The following PTPRN2 variants were observed in gnomAD, a reference collection of about 807,000 sequenced individuals.
PTPRN2 encodes protein tyrosine phosphatase receptor type N2.
Under a neutral mutation model 118.8 loss-of-function variants are expected in PTPRN2, and 74 were observed. That is an observed-to-expected ratio of 0.62 (90% CI 0.52 to 0.76). PTPRN2 has a LOEUF of 0.76. PTPRN2 is among the 30% of genes least tolerant of loss of function. The probability of loss-of-function intolerance (pLI) is 0.00; values close to 1 mark genes in which losing one functional copy is unlikely to be tolerated. For missense variants in PTPRN2, 1,481 were observed against 1,394.4 expected (o/e 1.06, Z -0.99); for synonymous variants, 641 against 608.0 (o/e 1.05, Z -0.80).
At chr7:157,730,886 G>C (rs1438570459) in intron 12 of PTPRN2, among the ~76,000 whole-genome samples, 1 of 152,144 alleles carries the variant, frequency 6.6e-6, no homozygotes, top group Non-Finnish European at 1.5e-5. Context: ...TCTTCCGCTT[G>C]TTCTCTCTCT....
At chr7:157,989,099 G>A (rs771879335) in intron 11 of PTPRN2, among the ~76,000 whole-genome samples, 19 of 152,182 alleles carry the variant, frequency 1.2e-4, no homozygotes, top group African/African-American at 3.6e-4. Flanking sequence ...AGAAGATCCC[G>A]GCACAGCTCA....
At chr7:158,081,210 T>G in intron 11 of PTPRN2, 88 bp downstream of exon 11, 24 of 1,310,768 alleles carry the variant, frequency 1.8e-5, no homozygotes, top group Non-Finnish European at 2.6e-5. Context: ...AGTCTCTCTC[T>G]GCCCTGGCTG....
intron 12 of PTPRN2, among the ~76,000 whole-genome samples, chr7:157,812,292 C>G (rs1034744031): frequency 6.6e-6 from 1 of 152,154 alleles, no homozygotes; most frequent in African/African-American, 2.4e-5. Flanking sequence ...AGGGAAGGGG[C>G]TTTGTGGGAG....
chr7:158,379,816 T>C (rs1427132534), intron 2 of PTPRN2, among the ~76,000 whole-genome samples: 1 of 152,186 alleles, frequency 6.6e-6, no homozygotes, highest in Non-Finnish European at 1.5e-5. Context: ...CTGGGTAATT[T>C]ATGCAGGAAA....
chr7:158,429,266 C>A (rs11981907), intron 2 of PTPRN2, among the ~76,000 whole-genome samples: 6,556 of 152,268 alleles, frequency 0.043, 206 homozygotes, highest in Middle Eastern at 0.085. Context: ...GGAGCTCCCC[C>A]ACATCTCCAG....
At chr7:157,678,496 C>A (rs538333667) in intron 13 of PTPRN2, among the ~76,000 whole-genome samples, 5 of 152,222 alleles carry the variant, frequency 3.3e-5, no homozygotes, top group African/African-American at 1.2e-4. Context: ...CAGCTTTCTG[C>A]ACCGGGGGTA....
chr7:157,898,645 A>G, intron 12 of PTPRN2, 28 bp downstream of exon 12: 2 of 1,545,284 alleles, frequency 1.3e-6, no homozygotes, highest in Non-Finnish European at 1.8e-6. Context: ...CAGATCGCAG[A>G]GCAGACGGCA....
chr7:158,061,586 T>C (rs11982781), intron 11 of PTPRN2, among the ~76,000 whole-genome samples: 3 of 152,092 alleles, frequency 2.0e-5, no homozygotes, highest in Non-Finnish European at 4.4e-5. Flanking sequence ...CCACAATTAC[T>C]TGTGTCGTCC....
chr7:158,135,496 C>A (rs1042518822), intron 8 of PTPRN2, among the ~76,000 whole-genome samples: 10 of 151,996 alleles, frequency 6.6e-5, no homozygotes, highest in African/African-American at 9.7e-5. Context: ...ACTCACATAC[C>A]CTTTTTGAGA....
At chr7:158,448,965 C>G (rs904335110) in intron 2 of PTPRN2, among the ~76,000 whole-genome samples, 1 of 152,132 alleles carries the variant, frequency 6.6e-6, no homozygotes, top group African/African-American at 2.4e-5. Context: ...TAAGGTGACA[C>G]CCCCGCCTCC....
intron 3 of PTPRN2, among the ~76,000 whole-genome samples, chr7:158,250,589 A>G (rs1796592323): frequency 6.6e-6 from 1 of 152,082 alleles, no homozygotes; most frequent in Non-Finnish European, 1.5e-5. Context: ...CCCCACATCC[A>G]CACAGAAACA....
At chr7:157,793,089 G>A (rs924464135) in intron 12 of PTPRN2, among the ~76,000 whole-genome samples, 22 of 152,204 alleles carry the variant, frequency 1.4e-4, no homozygotes, top group African/African-American at 5.3e-4. Context: ...GCTGTGCCCG[G>A]GGAGAGGAAG....
chr7:157,758,846 C>G (rs1164491360), intron 12 of PTPRN2, among the ~76,000 whole-genome samples: 1 of 152,168 alleles, frequency 6.6e-6, no homozygotes, highest in Non-Finnish European at 1.5e-5. Flanking sequence ...CTCTGCCTCC[C>G]GGATGGAGCC....
intron 12 of PTPRN2, among the ~76,000 whole-genome samples, chr7:157,782,607 A>G (rs1750192216): frequency 6.6e-6 from 1 of 152,234 alleles, no homozygotes; most frequent in Non-Finnish European, 1.5e-5. Flanking sequence ...CTAAAAACTC[A>G]TACATGTATA....
chr7:158,486,205 G>A lies in PTPRN2; in HGVS notation c.163+3530C>T, dbSNP rs372993052. On this transcript the variant is annotated intron_variant, in intron 2 of 22. Coordinates refer to ENST00000389418, the MANE Select transcript of PTPRN2 (RefSeq NM_002847.5). ...GCCACCTCCCTTATGTGGCGTGAAC[G>A]TGCTGGCCAGTCAGCGTCCATCACG... Among the ~76,000 whole-genome samples the A allele has an allele frequency of 5.9e-5, 9 of 152,350 alleles. No homozygotes were observed. In the South Asian group the frequency reaches 8.3e-4, roughly 14 times the overall value.
At chr7:158,080,326 A>C (rs1460656048) in intron 11 of PTPRN2, among the ~76,000 whole-genome samples, 2 of 150,662 alleles carry the variant, frequency 1.3e-5, no homozygotes, top group African/African-American at 4.9e-5. Flanking sequence ...AAAAAAAAAA[A>C]AAAAAAAAAA....
intron 9 of PTPRN2, among the ~76,000 whole-genome samples, chr7:158,132,593 GCA>G (rs1298516863): frequency 2.3e-5 from 2 of 85,310 alleles, no homozygotes; most frequent in African/African-American, 5.7e-5. Flanking sequence ...ACATGCATAT[GCA>G]CAGATACATG....
intron 5 of PTPRN2, among the ~76,000 whole-genome samples, chr7:158,171,185 CACACATACATATATATACACT>C (rs1430176345): frequency 1.8e-4 from 24 of 135,036 alleles, no homozygotes; most frequent in African/African-American, 6.3e-4. Flanking sequence ...CACATATATA[CACACATACATATATATACACT>C]ATATATACAC....
At chr7:158,188,488 G>C (rs1308557510) in intron 5 of PTPRN2, among the ~76,000 whole-genome samples, 24 of 22,706 alleles carry the variant, frequency 1.1e-3, no homozygotes, top group Admixed American at 2.5e-3. Flanking sequence ...GATGGGGAAG[G>C]CCGCCACGCT....
Sources: allele counts gnomAD v4.1 joint callset (sites outside exome capture counted in the v4.1 genomes callset), GRCh38; gene constraint gnomAD v4.1.1; transcripts MANE v1.5; gene names NCBI Gene and HGNC (gene_info 2026-07-23, HGNC 2026-07-21).